The following TMEM165 variants were observed in gnomAD, a reference collection of about 807,000 sequenced individuals.
TMEM165 encodes putative divalent cation/proton antiporter TMEM165.
In TMEM165, 19 loss-of-function variants were observed where a neutral mutation model predicts 30.0. That is an observed-to-expected ratio of 0.63 (90% CI 0.44 to 0.93). The LOEUF (loss-of-function observed/expected upper bound fraction) is 0.93. Ranked by LOEUF, TMEM165 falls within the 40% of genes least tolerant of loss-of-function variation. The pLI is 0.00. For missense variants in TMEM165, 340 were observed against 417.0 expected (o/e 0.82, Z 1.61); for synonymous variants, 168 against 162.9 (o/e 1.03, Z -0.24).
In TMEM165 at chr4:55,438,216, T is replaced by C. The variant is rs1723047179; in HGVS notation, c.408+13573T>C. 7 of 1,562,502 alleles carry C rather than the reference T, an allele frequency of 4.5e-6. No individual in the cohort carries two copies. The South Asian group carries it at 7.8e-5, about 17-fold the overall frequency. ...TCACATCACTCACAAATCTGTTCAC[T>C]TAATGCTTAATTTCATTACATGAAA... is the stretch of plus-strand genomic sequence containing the variant. On this transcript the variant is annotated intron_variant, in intron 3 of 3. Transcript: ENST00000608091.
chr4:55,431,349 T>C (rs1236181372), intron 3 of TMEM165: 3 of 152,228 alleles, frequency 2.0e-5, no homozygotes, highest in Non-Finnish European at 4.4e-5. Context: ...AGAGGGTTCC[T>C]ATTATAGTTA....
intron 3 of TMEM165, among the ~76,000 whole-genome samples, chr4:55,440,593 C>CA (rs1238692428): frequency 6.6e-6 from 1 of 151,818 alleles, no homozygotes; most frequent in Non-Finnish European, 1.5e-5. Flanking sequence ...TAATGCAAAA[C>CA]AAAAAAGAAT....
chr4:55,427,073 G>C (rs541054729), downstream of TMEM165, among the ~76,000 whole-genome samples: 3 of 145,650 alleles, frequency 2.1e-5, no homozygotes, highest in Non-Finnish European at 4.5e-5. Flanking sequence ...TCACTCTGTC[G>C]CCCAGGCTGG....
intron 3 of TMEM165, among the ~76,000 whole-genome samples, chr4:55,446,031 A>G (rs139225438): frequency 6.6e-6 from 1 of 151,296 alleles, no homozygotes; most frequent in South Asian, 2.1e-4. Flanking sequence ...GACTGATTAC[A>G]CATACACCCT....
chr4:55,443,471 G>A (rs1452551290), intron 3 of TMEM165, among the ~76,000 whole-genome samples: 5 of 102,740 alleles, frequency 4.9e-5, no homozygotes, highest in African/African-American at 1.6e-4. Context: ...GCAAAACTCC[G>A]TCTCAAAAAA....
chr4:55,419,799 A>G (rs974468149), intron 4 of TMEM165, among the ~76,000 whole-genome samples: 2 of 152,096 alleles, frequency 1.3e-5, no homozygotes, highest in African/African-American at 2.4e-5. Context: ...TTAAAATACA[A>G]GACAGTTGAA....
At chr4:55,424,186 A>AT in intron 4 of TMEM165, 1 of 200,972 alleles carries the variant, frequency 5.0e-6, no homozygotes, top group Non-Finnish European at 9.9e-6. Context: ...GAGGGAACAG[A>AT]TGTCTAGCTT....
In TMEM165 at chr4:55,420,098, G is replaced by GAAAAAAAAA. The variant is rs370641089; in HGVS notation, c.792+2114_792+2122dup. ...GTGACAGAGTGAGACACTATCTTAA[G>GAAAAAAAAA]AAAAAAAAATATATATATATATACA... On this transcript the variant is annotated intron_variant, in intron 4 of 5. Transcript: ENST00000381334. Among the ~76,000 whole-genome samples the GAAAAAAAAA allele has an allele frequency of 0.013, 558 of 43,380 alleles. 46 individuals carry two copies. The East Asian group carries it at 0.15, about 11-fold the overall frequency. The allele number at this position is 43,380 out of a possible 152,430, so 28.5% of individuals were successfully genotyped here.
At chr4:55,442,477 GT>G (rs746032203) in intron 3 of TMEM165, 1 of 1,604,956 alleles carries the variant, frequency 6.2e-7, no homozygotes, top group Non-Finnish European at 8.5e-7. Context: ...AGCACTCTGG[GT>G]GCTGTTTTGT....
rs866211375 is a variant in TMEM165, at chr4:55,426,164, G to A, written c.*712G>A. ...ATAGATAACAATATAAATAAAAGTG[G>A]TATGACCAGTGCTTGTTTTTCCTTG... On this transcript the variant is annotated 3_prime_UTR_variant, in exon 6 of 6. Transcript: ENST00000381334. 48 of 152,178 alleles carry A rather than the reference G, an allele frequency of 3.2e-4. No individual in the cohort carries two copies. The highest frequency in any genetic ancestry group is 1.1e-3 in the African/African-American group (47 of 41,530). The allele number at this position is 152,178 out of a possible 1,614,324, so 9.4% of individuals were successfully genotyped here.
intron 1 of TMEM165, among the ~76,000 whole-genome samples, chr4:55,405,060 C>T (rs1409004240): frequency 6.6e-6 from 1 of 151,868 alleles, no homozygotes; most frequent in African/African-American, 2.4e-5. Flanking sequence ...ATTTTTTTTC[C>T]TCCCTCCACC....
chr4:55,404,206 T>C (rs566240), intron 1 of TMEM165, among the ~76,000 whole-genome samples: 123,222 of 150,926 alleles, frequency 0.82, 50,452 homozygotes, highest in East Asian at 0.98. Context: ...TTAGTAGAGA[T>C]GGGGTTTCAT....
chr4:55,447,089 G>A (rs368871994), intron 3 of TMEM165, among the ~76,000 whole-genome samples: 6 of 150,828 alleles, frequency 4.0e-5, no homozygotes, highest in African/African-American at 7.3e-5. Flanking sequence ...AATTATGGCC[G>A]GGCATGGTGG....
At chr4:55,450,110 C>T (rs374332338) in intron 3 of TMEM165, 3 of 1,613,970 alleles carry the variant, frequency 1.9e-6, no homozygotes, top group Non-Finnish European at 1.7e-6. Flanking sequence ...CTGAGACGGC[C>T]GTGTGAGATG....
intron 1 of TMEM165, among the ~76,000 whole-genome samples, chr4:55,411,151 A>G (rs113071466): frequency 0.034 from 5,082 of 151,554 alleles, 101 homozygotes; most frequent in Non-Finnish European, 0.054. Flanking sequence ...AAAAAAAAAA[A>G]GGGAATTTTA....
chr4:55,453,138 G>A (rs1445036260), exon 4 of TMEM165: 2 of 1,609,988 alleles, frequency 1.2e-6, no homozygotes, highest in Middle Eastern at 1.7e-4. Context: ...AACTACAAAT[G>A]GAAAAAATAA....
rs576436342 is a variant in TMEM165, at chr4:55,425,281, G to T, written c.899-95G>T. 15 of 966,162 alleles carry T rather than the reference G, an allele frequency of 1.6e-5. No individual in the cohort carries two copies. The East Asian group carries it at 3.6e-4, about 23-fold the overall frequency. The allele number at this position is 966,162 out of a possible 1,614,324, so 59.8% of individuals were successfully genotyped here. ...TCAAGGTTAGTTTAATAGATTGGAAGAATAATTGGCCGCCTCATCGGCTCC... is the reference window on the plus strand; with the variant it reads ...TCAAGGTTAGTTTAATAGATTGGAATAATAATTGGCCGCCTCATCGGCTCC... On this transcript the variant is annotated intron_variant, in intron 5 of 5. Transcript: ENST00000381334.
intron 4 of TMEM165, among the ~76,000 whole-genome samples, chr4:55,420,417 G>A (rs2109558366): frequency 6.6e-6 from 1 of 151,716 alleles, no homozygotes; most frequent in African/African-American, 2.4e-5. Context: ...TATGGCACGT[G>A]CTGACTGGGT....
chr4:55,397,910 AT>A (rs71194549), intron 1 of TMEM165, among the ~76,000 whole-genome samples: 4,044 of 147,978 alleles, frequency 0.027, 172 homozygotes, highest in African/African-American at 0.094. Flanking sequence ...ATTTTTGTTT[AT>A]TTTTTTTTTT....
Sources: gnomAD v4.1 joint callset for allele counts (sites outside exome capture counted in the v4.1 genomes callset) on GRCh38, gnomAD v4.1.1 for gene constraint, MANE v1.5 for transcripts, NCBI Gene and HGNC (gene_info 2026-07-23, HGNC 2026-07-21) for gene names.